The following FBN2 variants were observed in gnomAD, a reference collection of about 807,000 sequenced individuals.
FBN2 encodes the protein fibrillin 2.
Under a neutral mutation model 355.6 loss-of-function variants are expected in FBN2, and 105 were observed. The ratio of observed to expected loss-of-function variants is 0.30; its 90% confidence interval spans 0.25 to 0.35. The LOEUF (loss-of-function observed/expected upper bound fraction) is 0.35. FBN2 is among the 10% of genes least tolerant of loss of function. The pLI, the probability that FBN2 is intolerant of heterozygous loss-of-function variation, is 1.00. For synonymous variants in FBN2, 1,350 were observed against 1,301.2 expected, an observed-to-expected ratio of 1.04 and a Z score of -0.81; for missense variants, 3,280 against 3,758.7, an observed-to-expected ratio of 0.87 and a Z score of 3.33.
At chr5:128,469,620 G>T (rs1452677651) in intron 5 of FBN2, among the ~76,000 whole-genome samples, 1 of 151,894 alleles carries the variant, frequency 6.6e-6, no homozygotes, top group Non-Finnish European at 1.5e-5. Flanking sequence ...AAGAGTAGAT[G>T]CTAGGAAATC....
At chr5:128,466,687 A>G (rs578198235) in intron 5 of FBN2, among the ~76,000 whole-genome samples, 1 of 152,178 alleles carries the variant, frequency 6.6e-6, no homozygotes, top group Non-Finnish European at 1.5e-5. Flanking sequence ...CCATTTTAAC[A>G]TTGTTACTCT....
chr5:128,536,477 C>G lies in FBN2; in HGVS notation c.262G>C (p.Val88Leu). ...GQQDVLRGPN[V>L]CGSRFHSYCC... ...TAGGAGTGGAATCTGGAGCCGCACA[C>G]GTTGGGCCTGTGATGGACAAGCGCG... Residue 88 changes from valine (V) to leucine (L), a missense_variant, in exon 2 of 65, where the codon GTG becomes CTG. Around this residue, in one of 6 missense-constraint regions of FBN2, gnomAD observed 203 missense variants for 142.2 expected, o/e 1.43. Transcript: ENST00000262464. 6.2e-7 allele frequency: 1 copy of G among 1,613,738 alleles called. No homozygotes were observed. Among genetic ancestry groups the G allele is most frequent in the Non-Finnish European group, 8.5e-7 (1 of 1,179,850 alleles).
chr5:128,448,514 T>A (rs932430361), intron 6 of FBN2, among the ~76,000 whole-genome samples: 1 of 151,858 alleles, frequency 6.6e-6, no homozygotes, highest in Admixed American at 6.6e-5. Context: ...TCCATGTTGG[T>A]CAGGCTGGTC....
chr5:128,445,701 T>C (rs1412803569), intron 7 of FBN2, among the ~76,000 whole-genome samples: 2 of 152,132 alleles, frequency 1.3e-5, no homozygotes, highest in African/African-American at 2.4e-5. Flanking sequence ...TTAAGTAACA[T>C]AACTGAAAAG....
intron 7 of FBN2, among the ~76,000 whole-genome samples, chr5:128,417,936 G>C (rs1221971456): frequency 6.6e-6 from 1 of 152,040 alleles, no homozygotes; most frequent in Non-Finnish European, 1.5e-5. Flanking sequence ...GTAGAATTTG[G>C]CAGTGAATAC....
intron 23 of FBN2, among the ~76,000 whole-genome samples, chr5:128,348,916 C>G (rs1751267608): frequency 1.3e-5 from 2 of 152,024 alleles, no homozygotes; most frequent in Non-Finnish European, 2.9e-5. Context: ...GGACCAGGAT[C>G]AGTGAATGAT....
chr5:128,464,990 A>T (rs1272005579), intron 5 of FBN2, 69 bp from the exon 6 acceptor site: 8 of 1,405,230 alleles, frequency 5.7e-6, no homozygotes, highest in Non-Finnish European at 8.1e-6. Flanking sequence ...AGTGCCTCCA[A>T]ATGCATAAAA....
intron 18 of FBN2, among the ~76,000 whole-genome samples, chr5:128,364,314 TA>T (rs1271472711): frequency 1.3e-5 from 2 of 152,156 alleles, no homozygotes; most frequent in African/African-American, 4.8e-5. Context: ...AAATTCTTCG[TA>T]AAAAATTACA....
At chr5:128,536,367 G>T in intron 2 of FBN2, 35 bp downstream of exon 2, 2 of 1,561,794 alleles carry the variant, frequency 1.3e-6, no homozygotes, top group Non-Finnish European at 1.8e-6. Flanking sequence ...GGCCGAGTGC[G>T]CTGCCCCAAG....
chr5:128,517,467 C>T (rs1035329099), intron 5 of FBN2, among the ~76,000 whole-genome samples: 4 of 152,054 alleles, frequency 2.6e-5, no homozygotes, highest in African/African-American at 9.7e-5. Context: ...ATTAATTTTT[C>T]TTTCCCAAAT....
intron 53 of FBN2, among the ~76,000 whole-genome samples, chr5:128,288,073 T>C (rs368760192): frequency 6.6e-6 from 1 of 152,310 alleles, no homozygotes; most frequent in East Asian, 1.9e-4. Flanking sequence ...ATCAATATTC[T>C]TCAGAGTAAT....
At chr5:128,492,204 G>T (rs968909792) in intron 5 of FBN2, among the ~76,000 whole-genome samples, 5 of 152,120 alleles carry the variant, frequency 3.3e-5, no homozygotes, top group African/African-American at 1.2e-4. Context: ...TCTTCTCTCA[G>T]AACTCTTCTT....
Position 128,350,901 on chromosome 5 carries a change from C to T in FBN2, c.2779G>A (p.Ala927Thr), listed in dbSNP as rs863223559. 5.0e-6 allele frequency: 8 copies of T among 1,614,138 alleles called. No homozygotes were observed. Among genetic ancestry groups the T allele is most frequent in the Admixed American group, 1.7e-5 (1 of 60,014 alleles). ...CACCGCTCACAGGGGCTCCCCCAGG[C>T]GGCTCCGAGGGTGGCACAGCATTCA... ...KSECCATLGA[A>T]WGSPCERCEL... The change falls in exon 21 of 65, where the codon GCC (alanine) becomes ACC (threonine). Residue 927 changes from alanine to threonine, a missense_variant. By Grantham distance (58) the Ala-to-Thr change is moderately conservative. Around this residue, in one of 6 missense-constraint regions of FBN2, gnomAD observed 2,284 missense variants for 2,749.5 expected, o/e 0.83. Coordinates refer to ENST00000262464, the MANE Select transcript of FBN2 (RefSeq NM_001999.4).
chr5:128,447,423 A>C (rs777489639), intron 6 of FBN2, among the ~76,000 whole-genome samples: 3 of 152,112 alleles, frequency 2.0e-5, no homozygotes, highest in African/African-American at 7.2e-5. Flanking sequence ...TTACAGTTGT[A>C]GATAAGGGAT....
At chr5:128,497,792 T>A (rs555976289) in intron 5 of FBN2, among the ~76,000 whole-genome samples, 5 of 152,198 alleles carry the variant, frequency 3.3e-5, no homozygotes, top group African/African-American at 1.2e-4. Context: ...TTAGGAGAGT[T>A]TGTTTCATAA....
At chr5:128,290,574 A>G (rs1342809854) in intron 50 of FBN2, among the ~76,000 whole-genome samples, 158 bp downstream of exon 50, 1 of 152,244 alleles carries the variant, frequency 6.6e-6, no homozygotes, top group East Asian at 1.9e-4. Context: ...AGCTGAAAGA[A>G]GTTTCTCAGG....
At position 128,305,832 on chromosome 5, in the gene FBN2, C is replaced by G. The variant is rs863223610; in HGVS notation, c.5539G>C (p.Val1847Leu). Residue 1847 changes from valine (V) to leucine (L), a missense_variant, in exon 43 of 65, where the codon GTT becomes CTT. Physicochemically the swap from Val to Leu is conservative, Grantham distance 32. Coordinates refer to ENST00000262464, the MANE Select transcript of FBN2 (RefSeq NM_001999.4). ...TGFSYNDLLL[V>L]CEDIDECSNG... The stretch of plus-strand genomic sequence containing the variant: ...ACTTTATTCAGATTACCTTCACAAA[C>G]CAACAGCAGGTCATTGTAACTGAAT... The G allele has an allele frequency of 1.2e-6, 2 of 1,613,922 alleles. No homozygotes were observed. Among genetic ancestry groups the G allele is most frequent in the Admixed American group, 1.7e-5 (1 of 59,992 alleles).
At chr5:128,512,941 T>A (rs1756170876) in intron 5 of FBN2, among the ~76,000 whole-genome samples, 1 of 152,196 alleles carries the variant, frequency 6.6e-6, no homozygotes. Context: ...AAAGTTAACA[T>A]AATAGATATA....
At chr5:128,331,529 C>T (rs368290851) in intron 32 of FBN2, among the ~76,000 whole-genome samples, 7 of 152,084 alleles carry the variant, frequency 4.6e-5, no homozygotes, top group Non-Finnish European at 1.0e-4. Context: ...AATTTTATCC[C>T]GAATTCAATG....
Sources: allele counts gnomAD v4.1 joint callset (sites outside exome capture counted in the v4.1 genomes callset), GRCh38; gene constraint gnomAD v4.1.1; regional missense constraint gnomAD v4.1.1; transcripts MANE v1.5; gene names NCBI Gene and HGNC (gene_info 2026-07-23, HGNC 2026-07-21).